Variants in TRHDE observed in about 807,000 individuals in gnomAD.
The protein encoded by TRHDE is thyrotropin-releasing hormone-degrading ectoenzyme.
Under a neutral mutation model 125.7 loss-of-function variants are expected in TRHDE, and 72 were observed. The observed-to-expected ratio is 0.57, with a 90% CI of 0.47 to 0.70. The LOEUF is 0.70. Ranked by LOEUF, TRHDE falls within the 30% of genes least tolerant of loss-of-function variation. The pLI, the probability that TRHDE is intolerant of heterozygous loss-of-function variation, is 0.00. For missense variants in TRHDE, 1,110 were observed against 1,327.1 expected (o/e 0.84, Z 2.54); for synonymous variants, 509 against 509.1 (o/e 1.00, Z 0.00).
chr12:72,107,259 A>T (rs1277390943), intron 2 of TRHDE, among the ~76,000 whole-genome samples: 1 of 152,092 alleles, frequency 6.6e-6, no homozygotes, highest in Non-Finnish European at 1.5e-5. Context: ...GTGCTATCCC[A>T]CAAATTCATT....
chr12:72,320,543 CTGTGTGTGTGTGTGTGTGTGTGTGTG>C (rs59244019), intron 2 of TRHDE, among the ~76,000 whole-genome samples: 5 of 143,172 alleles, frequency 3.5e-5, no homozygotes, highest in African/African-American at 1.3e-4. Context: ...AGAGGGTTGA[CTGTGTGTGTGTGTGTGTGTGTGTGTG>C]TGTGTGTGTG....
intron 6 of TRHDE, among the ~76,000 whole-genome samples, chr12:72,512,515 TTA>T (rs1491292327): frequency 2.2e-5 from 3 of 138,452 alleles, no homozygotes; most frequent in Non-Finnish European, 3.1e-5. Context: ...TATAATTATA[TTA>T]TATATAATAT....
intron 15 of TRHDE, among the ~76,000 whole-genome samples, chr12:72,637,997 A>T (rs1483600944): frequency 6.6e-6 from 1 of 151,244 alleles, no homozygotes; most frequent in East Asian, 1.9e-4. Context: ...TGGGGTGGAG[A>T]GTTCTGTAGA....
intron 2 of TRHDE, among the ~76,000 whole-genome samples, chr12:72,122,546 T>A (rs1875609416): frequency 6.6e-6 from 1 of 152,194 alleles, no homozygotes; most frequent in African/African-American, 2.4e-5. Context: ...ATAAATGATT[T>A]CTAGAGAGTT....
intron 2 of TRHDE, among the ~76,000 whole-genome samples, chr12:72,309,980 T>G (rs558915666): frequency 3.7e-4 from 57 of 152,336 alleles, no homozygotes; most frequent in African/African-American, 1.4e-3. Flanking sequence ...CATTCTATTT[T>G]GTTGCTTGTT....
At chr12:72,288,976 G>T (rs1879991713) in intron 2 of TRHDE, among the ~76,000 whole-genome samples, 1 of 152,112 alleles carries the variant, frequency 6.6e-6, no homozygotes, top group African/African-American at 2.4e-5. Context: ...GCCGTTGGGA[G>T]CTCTTATTTA....
At chr12:72,185,117 CG>C (rs1555167543) in intron 2 of TRHDE, among the ~76,000 whole-genome samples, 2 of 152,144 alleles carry the variant, frequency 1.3e-5, no homozygotes, top group South Asian at 2.1e-4. Context: ...GTGGGCTTGG[CG>C]GGCCCGCACT....
chr12:72,138,796 GTGCCCTGACAT>G (rs1180539011), intron 2 of TRHDE, among the ~76,000 whole-genome samples: 1 of 152,236 alleles, frequency 6.6e-6, no homozygotes, highest in Admixed American at 6.5e-5. Flanking sequence ...ACACTCATCA[GTGCCCTGACAT>G]TGCTGTGAAC....
At chr12:72,492,846 A>C (rs1002915995) in intron 5 of TRHDE, among the ~76,000 whole-genome samples, 2 of 151,916 alleles carry the variant, frequency 1.3e-5, no homozygotes, top group Non-Finnish European at 2.9e-5. Context: ...TGGTAGCTCA[A>C]GTAAACTTGA....
At chr12:72,501,297 C>T (rs1219228381) in intron 6 of TRHDE, among the ~76,000 whole-genome samples, 2 of 152,068 alleles carry the variant, frequency 1.3e-5, no homozygotes, top group African/African-American at 4.8e-5. Context: ...TACCTTCAGT[C>T]TTTATCCATT....
chr12:72,153,668 A>G (rs141447955), intron 2 of TRHDE, among the ~76,000 whole-genome samples: 5,825 of 152,142 alleles, frequency 0.038, 212 homozygotes, highest in South Asian at 0.11. Flanking sequence ...GTAGTCATTC[A>G]GGAGCAGGTT....
At chr12:72,316,059 G>A (rs775002769) in intron 2 of TRHDE, among the ~76,000 whole-genome samples, 3 of 152,078 alleles carry the variant, frequency 2.0e-5, no homozygotes, top group Non-Finnish European at 4.4e-5. Context: ...TCTGCCAGCC[G>A]CCAGCATAAT....
chr12:72,652,055 A>G (rs977386364), intron 15 of TRHDE, among the ~76,000 whole-genome samples: 1 of 151,956 alleles, frequency 6.6e-6, no homozygotes, highest in Non-Finnish European at 1.5e-5. Flanking sequence ...TGAAGCCTTT[A>G]TGTTACTATT....
intron 2 of TRHDE, among the ~76,000 whole-genome samples, chr12:72,236,813 A>G (rs1319926707): frequency 1.3e-5 from 2 of 152,224 alleles, no homozygotes; most frequent in Non-Finnish European, 1.5e-5. Flanking sequence ...TTTTCTATTA[A>G]TAACATGGAA....
At chr12:72,277,385 C>A (rs1879525365) in intron 1 of TRHDE, among the ~76,000 whole-genome samples, 1 of 152,084 alleles carries the variant, frequency 6.6e-6, no homozygotes, top group African/African-American at 2.4e-5. Flanking sequence ...AAGAAATTCA[C>A]TACATTATTT....
intron 6 of TRHDE, among the ~76,000 whole-genome samples, chr12:72,541,501 A>G (rs1452714041): frequency 6.6e-6 from 1 of 151,466 alleles, no homozygotes; most frequent in Non-Finnish European, 1.5e-5. Flanking sequence ...TATTGATCTC[A>G]TATGTTTTAC....
chr12:72,110,819 T>C lies in TRHDE; in HGVS notation n.279+5067T>C, dbSNP rs191938422. ...TCTATAACTCTAGCAGAAACTGTTG[T>C]TTTGTAAACGAGCCTAAATGGCCAA... On this transcript the variant is annotated intron_variant and non_coding_transcript_variant, in intron 2 of 4. Coordinates refer to the TRHDE transcript ENST00000548156. 7.2e-5 allele frequency among the ~76,000 whole-genome samples: 11 copies of C among 152,246 alleles called. No homozygotes were observed. The East Asian group carries it at 1.7e-3, about 24-fold the overall frequency.
intron 2 of TRHDE, among the ~76,000 whole-genome samples, chr12:72,159,787 T>G (rs573873243): frequency 1.3e-5 from 2 of 152,188 alleles, no homozygotes; most frequent in Non-Finnish European, 2.9e-5. Context: ...TGGATTTTGT[T>G]TTCTCTGTCT....
chr12:72,403,527 C>T (rs1873135223), intron 3 of TRHDE, among the ~76,000 whole-genome samples: 1 of 152,114 alleles, frequency 6.6e-6, no homozygotes, highest in Non-Finnish European at 1.5e-5. Flanking sequence ...AACTGAGGCT[C>T]AGAAAAATTA....
Sources: gnomAD v4.1 joint callset for allele counts (sites outside exome capture counted in the v4.1 genomes callset) on GRCh38, gnomAD v4.1.1 for gene constraint, MANE v1.5 for transcripts, NCBI Gene and HGNC (gene_info 2026-07-23, HGNC 2026-07-21) for gene names.